The following MAPK8IP1 variants were observed in gnomAD, a reference collection of about 807,000 sequenced individuals.
MAPK8IP1 encodes the protein C-Jun-amino-terminal kinase-interacting protein 1.
MAPK8IP1 carries 17 observed loss-of-function variants against 72.6 expected under a neutral mutation model. The observed-to-expected ratio is 0.23, with a 90% confidence interval of 0.16 to 0.35. The LOEUF (loss-of-function observed/expected upper bound fraction) is 0.35, where lower values mean the gene tolerates loss of function less well. Among genes scored for constraint, MAPK8IP1 ranks in the 10% least tolerant of loss-of-function variants. MAPK8IP1 has a pLI of 1.00. For synonymous variants in MAPK8IP1, 401 were observed against 443.4 expected, an observed-to-expected ratio of 0.90 and a Z score of 1.20; for missense variants, 789 against 1,009.7, an observed-to-expected ratio of 0.78 and a Z score of 2.96.
chr11:45,895,834 GT>G (rs1282910544), intron 1 of MAPK8IP1, among the ~76,000 whole-genome samples: 1 of 151,960 alleles, frequency 6.6e-6, no homozygotes, highest in Non-Finnish European at 1.5e-5. Flanking sequence ...TGGCCACTGG[GT>G]TTTTGTCCCT....
chr11:45,889,710 G>T (rs755546529), intron 1 of MAPK8IP1, among the ~76,000 whole-genome samples: 1 of 152,080 alleles, frequency 6.6e-6, no homozygotes, highest in Non-Finnish European at 1.5e-5. Context: ...AAGAGAGGGC[G>T]AGTGGCTCCC....
At chr11:45,896,810 C>T in intron 1 of MAPK8IP1, 1 of 1,544,508 alleles carries the variant, frequency 6.5e-7, no homozygotes, top group Non-Finnish European at 8.7e-7. Context: ...GAGCCCTGGC[C>T]CCCCCACCCT....
intron 2 of MAPK8IP1, among the ~76,000 whole-genome samples, chr11:45,899,134 C>T (rs1383345470): frequency 6.6e-6 from 1 of 152,190 alleles, no homozygotes; most frequent in Non-Finnish European, 1.5e-5. Flanking sequence ...CCCTAGTCCC[C>T]AGTACCCCAA....
chr11:45,903,861 C>G lies in MAPK8IP1; in HGVS notation c.1494-128C>G. ...CTCTCCCCTGGGGTTAGTACTGCAA[C>G]AGGCACACAGGATGCTTTTGCAAAT... On this transcript the variant is annotated intron_variant, in intron 6 of 11. Coordinates refer to ENST00000241014, the MANE Select transcript of MAPK8IP1 (RefSeq NM_005456.4). This position sits in a 1 kb window ranked among gnomAD's most constrained non-coding sequence, Gnocchi z 6.4. 2.3e-6 allele frequency: 2 copies of G among 875,592 alleles called. No homozygotes were observed. Among genetic ancestry groups the G allele is most frequent in the Non-Finnish European group, 1.9e-6 (1 of 524,982 alleles). 54.2% of individuals were successfully genotyped at this position (875,592 alleles called of 1,614,324 possible). A position where few individuals can be genotyped will look rare whatever the true frequency, so the allele number is the denominator to read the frequency against.
At chr11:45,891,678 GTTTC>G (rs1243926820) in intron 1 of MAPK8IP1, among the ~76,000 whole-genome samples, 1 of 152,224 alleles carries the variant, frequency 6.6e-6, no homozygotes, top group East Asian at 1.9e-4. Flanking sequence ...CCATGTGAGT[GTTTC>G]TTCCTGTGTG....
Position 45,889,368 on chromosome 11 carries a change from A to G in MAPK8IP1, c.101+3447A>G, listed in dbSNP as rs149258128. Reference sequence around the variant, plus strand: ...GATTAGGGCTGCTCACCTGTATTTGACTTCTTATTTTATAATGAGTATAGG... The same window carrying G: ...GATTAGGGCTGCTCACCTGTATTTGGCTTCTTATTTTATAATGAGTATAGG... On this transcript the variant is annotated intron_variant, in intron 1 of 11. Coordinates refer to ENST00000241014, the MANE Select transcript of MAPK8IP1 (RefSeq NM_005456.4). Among the ~76,000 whole-genome samples the G allele has an allele frequency of 4.9e-4, 74 of 152,322 alleles. No individual in the cohort carries two copies. In the Middle Eastern group the frequency reaches 0.01, roughly 21 times the overall value.
Position 45,902,316 on chromosome 11 carries a change from C to T in MAPK8IP1, c.605-56C>T. On this transcript the variant is annotated intron_variant, in intron 4 of 11. Coordinates refer to ENST00000241014, the MANE Select transcript of MAPK8IP1 (RefSeq NM_005456.4). The surrounding 1 kb of genome is among the most constrained non-coding windows in gnomAD (Gnocchi z 9.3). ...GTCACCAAGCTGAGAGTGGCAGGTG[C>T]AGGTAGCTGGGAGTTGGGAGAGAGC... 1 of 1,387,966 alleles carries T rather than the reference C, an allele frequency of 7.2e-7. No homozygotes were observed. The highest frequency in any genetic ancestry group is 1.0e-6 in the Non-Finnish European group (1 of 1,002,098). 86.0% of individuals were successfully genotyped at this position (1,387,966 alleles called of 1,614,324 possible). A position where few individuals can be genotyped will look rare whatever the true frequency, so the allele number is the denominator to read the frequency against.
chr11:45,898,074 G>C lies in MAPK8IP1; in HGVS notation c.102-11G>C, dbSNP rs1233855847. 1.3e-6 allele frequency: 2 copies of C among 1,594,770 alleles called. No homozygotes were observed. Among genetic ancestry groups the C allele is most frequent in the Non-Finnish European group, 1.7e-6 (2 of 1,162,780 alleles). ...CCCTGAGTTGTAACTTTGGCTTCCT[G>C]TCCCCACCAGGCTCACCCATGACAT... On this transcript the variant is annotated splice_polypyrimidine_tract_variant and intron_variant, in intron 1 of 11. Coordinates refer to ENST00000241014, the MANE Select transcript of MAPK8IP1 (RefSeq NM_005456.4).
At position 45,900,466 on chromosome 11, in the gene MAPK8IP1, G is replaced by A; in HGVS notation, c.522+14G>A. Reference sequence around the variant, plus strand: ...CCGCGGTCTCAGGTGAGGCGCCAACGTGGGGGGCGGCGCCCTGGGCCGCCG... The same window carrying A: ...CCGCGGTCTCAGGTGAGGCGCCAACATGGGGGGCGGCGCCCTGGGCCGCCG... On this transcript the variant is annotated intron_variant, in intron 3 of 11. Coordinates refer to ENST00000241014, the MANE Select transcript of MAPK8IP1 (RefSeq NM_005456.4). The surrounding 1 kb of genome is among the most constrained non-coding windows in gnomAD (Gnocchi z 6.5). 3 of 1,530,946 alleles carry A rather than the reference G, an allele frequency of 2.0e-6. No homozygotes were observed. Among genetic ancestry groups the A allele is most frequent in the Non-Finnish European group, 1.7e-6 (2 of 1,144,882 alleles). 94.8% of individuals were successfully genotyped at this position (1,530,946 alleles called of 1,614,324 possible).
At position 45,892,230 on chromosome 11, in the gene MAPK8IP1, C is replaced by T. The variant is rs1165209288; in HGVS notation, c.102-5855C>T. Among the ~76,000 whole-genome samples the T allele has an allele frequency of 2.6e-5, 4 of 152,234 alleles. No individual in the cohort carries two copies. In the East Asian group the frequency reaches 5.8e-4, roughly 22 times the overall value. On this transcript the variant is annotated intron_variant, in intron 1 of 11. Coordinates refer to ENST00000241014, the MANE Select transcript of MAPK8IP1 (RefSeq NM_005456.4). ...GAGGGATGCTGGGTCTGGCTCATCC[C>T]CACCCCACCGTTTCAGCCAGCACCG...
intron 1 of MAPK8IP1, among the ~76,000 whole-genome samples, chr11:45,891,089 C>T (rs988414575): frequency 6.6e-6 from 1 of 152,184 alleles, no homozygotes; most frequent in Non-Finnish European, 1.5e-5. Flanking sequence ...TGACTTGCCT[C>T]ACACAGTCCG....
rs1459407643 is a variant in MAPK8IP1 at position 45,885,663 on chromosome 11, C to G, written c.-158C>G. The G allele has an allele frequency of 3.5e-6, 1 of 289,120 alleles. No individual in the cohort carries two copies. 17.9% of individuals were successfully genotyped at this position (289,120 alleles called of 1,614,324 possible). On this transcript the variant is annotated 5_prime_UTR_variant, in exon 1 of 12. Coordinates refer to ENST00000241014, the MANE Select transcript of MAPK8IP1 (RefSeq NM_005456.4). ...GGGCGCTCTCGCCAGTCCCGCGGGC[C>G]GTGCGCGGTGCTGTGCCGCGCCCTG...
chr11:45,886,072 C>A, intron 1 of MAPK8IP1, 151 bp downstream of exon 1: 1 of 457,064 alleles, frequency 2.2e-6, no homozygotes. Context: ...GAGCCCCCCT[C>A]AGAAGCCCCG....
chr11:45,906,002 T>C lies in MAPK8IP1; in HGVS notation c.*281T>C. 3 of 560,602 alleles carry C rather than the reference T, an allele frequency of 5.4e-6. No homozygotes were observed. The highest frequency in any genetic ancestry group is 2.0e-5 in the South Asian group (1 of 49,390). 34.7% of individuals were successfully genotyped at this position (560,602 alleles called of 1,614,324 possible). On this transcript the variant is annotated 3_prime_UTR_variant, in exon 12 of 12. Transcript: ENST00000241014. ...GGAGCAGGTCTCTGGCAGAGAAGGA[T>C]GTCCGTTCCAGGAGCACACGGCCCT...
In MAPK8IP1 at chr11:45,904,772, C is replaced by T; in HGVS notation, c.1831C>T (p.Leu611=). ...VHFNPPSSCV[L]EISVRGVKIG... ...CTTTAACCCGCCCTCCAGCTGTGTC[C>T]TGGAGATCAGCGTGCGGGGTGTGAA... Residue 611 remains leucine (L), a synonymous_variant, in exon 9 of 12, where the codon CTG becomes TTG. Coordinates refer to ENST00000241014, the MANE Select transcript of MAPK8IP1 (RefSeq NM_005456.4). The surrounding 1 kb of genome is among the most constrained non-coding windows in gnomAD (Gnocchi z 6.4). 6.2e-7 allele frequency: 1 copy of T among 1,614,060 alleles called. No individual in the cohort carries two copies. Among genetic ancestry groups the T allele is most frequent in the Non-Finnish European group, 8.5e-7 (1 of 1,180,036 alleles).
intron 1 of MAPK8IP1, among the ~76,000 whole-genome samples, chr11:45,890,521 C>T (rs1484448591): frequency 6.6e-6 from 1 of 152,184 alleles, no homozygotes; most frequent in East Asian, 1.9e-4. Flanking sequence ...AGGAGGATCA[C>T]CTGGCTGCTG....
In MAPK8IP1 at chr11:45,890,429, T is replaced by C. The variant is rs368873909; in HGVS notation, c.101+4508T>C. ...AACATCTCATAATGTTTCAAAAAAG[T>C]TTATGAATTTGTGTTGGGCCACATT... On this transcript the variant is annotated intron_variant, in intron 1 of 11. Transcript: ENST00000241014. Among the ~76,000 whole-genome samples, 15 of 152,290 alleles carry C rather than the reference T, an allele frequency of 9.8e-5. 1 individual carries two copies. In the East Asian group the frequency reaches 1.7e-3, roughly 18 times the overall value.
At chr11:45,896,062 G>A (rs1256334312) in intron 1 of MAPK8IP1, among the ~76,000 whole-genome samples, 1 of 152,198 alleles carries the variant, frequency 6.6e-6, no homozygotes, top group East Asian at 1.9e-4. Flanking sequence ...CCCTCCAGGG[G>A]CCTCCAGGTT....
chr11:45,885,726 G>A lies in MAPK8IP1; in HGVS notation c.-95G>A. The A allele has an allele frequency of 1.6e-6, 1 of 620,182 alleles. No homozygotes were observed. The highest frequency in any genetic ancestry group is 2.4e-6 in the Non-Finnish European group (1 of 414,578). The allele number at this position is 620,182 out of a possible 1,614,324, so 38.4% of individuals were successfully genotyped here. A position where few individuals can be genotyped will look rare whatever the true frequency, so the allele number is the denominator to read the frequency against. On this transcript the variant is annotated 5_prime_UTR_variant, in exon 1 of 12. Coordinates refer to ENST00000241014, the MANE Select transcript of MAPK8IP1 (RefSeq NM_005456.4). ...GCGCCCGCCTAGCCCGAACTCCGCGGCGGCGGCTGCCCTCTCGCCGCGCCT... is the reference window on the plus strand; with the variant it reads ...GCGCCCGCCTAGCCCGAACTCCGCGACGGCGGCTGCCCTCTCGCCGCGCCT...
Sources: gnomAD v4.1 joint callset for allele counts (sites outside exome capture counted in the v4.1 genomes callset) on GRCh38, gnomAD v4.1.1 for gene constraint, Gnocchi (gnomAD v3.1) non-coding constraint, MANE v1.5 for transcripts, NCBI Gene and HGNC (gene_info 2026-07-23, HGNC 2026-07-21) for gene names.